Variants in ARHGEF11 observed in about 807,000 individuals in gnomAD.
ARHGEF11 encodes the protein Rho guanine exchange factor (GEF) 11.
A neutral mutation model predicts 193.7 loss-of-function variants in ARHGEF11; 55 were observed. The ratio of observed to expected loss-of-function variants is 0.28; its 90% CI spans 0.23 to 0.36. ARHGEF11 has a LOEUF of 0.36. Ranked by LOEUF, ARHGEF11 falls within the 10% of genes least tolerant of loss-of-function variation. The pLI is 1.00. For synonymous variants in ARHGEF11, 693 were observed against 768.0 expected (o/e 0.90, Z 1.62); for missense variants, 1,723 against 2,005.6 (o/e 0.86, Z 2.69).
intron 38 of ARHGEF11, among the ~76,000 whole-genome samples, chr1:156,937,993 G>A (rs1241888796): frequency 6.6e-6 from 1 of 152,206 alleles, no homozygotes. Flanking sequence ...GGACGTGGAG[G>A]GTTCCTGACA....
At chr1:156,994,836 AGGT>A (rs368027637) in intron 1 of ARHGEF11, among the ~76,000 whole-genome samples, 29,670 of 152,184 alleles carry the variant, frequency 0.19, 3,043 homozygotes, top group East Asian at 0.33. Flanking sequence ...TAACAAATGT[AGGT>A]AATACTACCT....
intron 1 of ARHGEF11, among the ~76,000 whole-genome samples, chr1:157,033,003 G>A (rs1324953730): frequency 1.1e-4 from 16 of 151,896 alleles, no homozygotes; most frequent in Admixed American, 6.6e-4. Flanking sequence ...TCAGGGTTCT[G>A]TGCACAGCCC....
intron 10 of ARHGEF11, among the ~76,000 whole-genome samples, chr1:156,968,472 G>A (rs1272311994): frequency 6.6e-6 from 1 of 152,260 alleles, no homozygotes; most frequent in South Asian, 2.1e-4. Context: ...CACCAACTCT[G>A]TGGCCTTCCA....
intron 7 of ARHGEF11, among the ~76,000 whole-genome samples, chr1:156,976,122 A>AAC (rs888966121): frequency 3.6e-4 from 55 of 152,224 alleles, no homozygotes; most frequent in Admixed American, 3.5e-3. Flanking sequence ...CTACTGCTCC[A>AAC]ACACACACAC....
intron 26 of ARHGEF11, 69 bp from the exon 27 acceptor site, chr1:156,947,084 G>A (rs1450667079): frequency 2.2e-5 from 35 of 1,584,210 alleles, no homozygotes; most frequent in South Asian, 1.7e-4. Flanking sequence ...TTCTGACAGA[G>A]AGAAGTGAAT....
chr1:157,027,558 T>C (rs763746075), intron 1 of ARHGEF11, among the ~76,000 whole-genome samples: 3 of 152,150 alleles, frequency 2.0e-5, no homozygotes, highest in Non-Finnish European at 4.4e-5. Context: ...AAGACCTCAC[T>C]AGTAAGTTAG....
At chr1:157,003,027 G>A (rs1442894731) in intron 1 of ARHGEF11, among the ~76,000 whole-genome samples, 3 of 152,202 alleles carry the variant, frequency 2.0e-5, no homozygotes, top group East Asian at 3.9e-4. Context: ...AAATGCTCAG[G>A]CCAGGGCCTG....
chr1:156,981,200 T>TA (rs565263003), intron 3 of ARHGEF11, among the ~76,000 whole-genome samples: 15 of 141,628 alleles, frequency 1.1e-4, no homozygotes, highest in East Asian at 4.5e-4. Context: ...CCTGGCTAAT[T>TA]AAAAAAAAAA....
Position 156,963,791 on chromosome 1 carries a change from G to A in ARHGEF11, c.964-197C>T, listed in dbSNP as rs914916391. 3.5e-5 allele frequency: 50 copies of A among 1,419,994 alleles called. 1 individual carries two copies. The East Asian group carries it at 1.2e-3, about 33-fold the overall frequency. 88.0% of individuals were successfully genotyped at this position (1,419,994 alleles called of 1,614,324 possible). ...CACTTGCAGGAAGTCAACTGCTTCT[G>A]GGTGGGGCAGGGCAGATTCAGAGCA... On this transcript the variant is annotated intron_variant, in intron 11 of 40. Transcript: ENST00000368194.
intron 11 of ARHGEF11, among the ~76,000 whole-genome samples, chr1:156,965,168 T>C (rs1661517586): frequency 6.6e-6 from 1 of 152,146 alleles, no homozygotes; most frequent in Non-Finnish European, 1.5e-5. Context: ...ACCAACTTAG[T>C]TTTCAGAAGA....
chr1:156,983,549 C>T (rs1011543676), intron 3 of ARHGEF11, among the ~76,000 whole-genome samples: 2 of 152,186 alleles, frequency 1.3e-5, no homozygotes, highest in African/African-American at 4.8e-5. Flanking sequence ...TTGTCTTCCT[C>T]AGCCTGGACC....
At chr1:157,023,643 G>GT (rs1257708074) in intron 1 of ARHGEF11, among the ~76,000 whole-genome samples, 1 of 152,004 alleles carries the variant, frequency 6.6e-6, no homozygotes, top group Non-Finnish European at 1.5e-5. Flanking sequence ...GCATGCGCCT[G>GT]TAATACCAGC....
At chr1:157,029,895 C>T (rs1316815823) in intron 1 of ARHGEF11, among the ~76,000 whole-genome samples, 2 of 152,046 alleles carry the variant, frequency 1.3e-5, no homozygotes. Context: ...CCAGACACAA[C>T]AAACCACATA....
At chr1:157,021,283 T>C (rs1669940192) in intron 1 of ARHGEF11, among the ~76,000 whole-genome samples, 1 of 152,152 alleles carries the variant, frequency 6.6e-6, no homozygotes, top group South Asian at 2.1e-4. Context: ...TCCTAAAGCC[T>C]TTATCAAGTA....
chr1:156,984,110 T>C (rs938314084), intron 3 of ARHGEF11, among the ~76,000 whole-genome samples: 2 of 152,242 alleles, frequency 1.3e-5, no homozygotes, highest in African/African-American at 2.4e-5. Context: ...CTGACAGCTA[T>C]TCTGCTGGTT....
At chr1:157,009,368 G>A (rs766478330) in intron 1 of ARHGEF11, among the ~76,000 whole-genome samples, 22 of 152,162 alleles carry the variant, frequency 1.4e-4, no homozygotes, top group Non-Finnish European at 2.8e-4. Context: ...ATATATTAAG[G>A]TGCAGGCATG....
intron 3 of ARHGEF11, among the ~76,000 whole-genome samples, chr1:156,982,526 C>A (rs901807452): frequency 6.6e-6 from 1 of 152,172 alleles, no homozygotes; most frequent in Non-Finnish European, 1.5e-5. Flanking sequence ...TCCTCCCCAA[C>A]ACACACATGC....
chr1:156,967,795 C>G, intron 11 of ARHGEF11, 192 bp downstream of exon 11: 1,040 of 652,980 alleles, frequency 1.6e-3, no homozygotes, highest in Non-Finnish European at 2.3e-3. Context: ...GCCAGCCTTA[C>G]TTTCATATCT....
At chr1:156,947,636 G>GGCTATAA (rs1658388231) in intron 25 of ARHGEF11, 133 bp downstream of exon 25, 1 of 1,347,718 alleles carries the variant, frequency 7.4e-7, no homozygotes, top group Non-Finnish European at 1.0e-6. Flanking sequence ...TATAGCAACA[G>GGCTATAA]GCAATGTGGA....
Sources: gnomAD v4.1 joint callset for allele counts (sites outside exome capture counted in the v4.1 genomes callset) on GRCh38, gnomAD v4.1.1 for gene constraint, MANE v1.5 for transcripts, NCBI Gene and HGNC (gene_info 2026-07-23, HGNC 2026-07-21) for gene names.